Variants in SNX6 observed in about 807,000 individuals in gnomAD.
SNX6 encodes sorting nexin 6, also known as sorting nexin-6.
A neutral mutation model predicts 63.0 loss-of-function variants in SNX6; 34 were observed. The observed-to-expected ratio is 0.54, with a 90% CI of 0.41 to 0.72. SNX6 has a LOEUF of 0.72. Ranked by LOEUF, SNX6 falls within the 30% of genes least tolerant of loss-of-function variation. SNX6 has a pLI of 0.00. For synonymous variants in SNX6, 170 were observed against 164.2 expected, an observed-to-expected ratio of 1.04 and a Z score of -0.27; for missense variants, 398 against 471.4, an observed-to-expected ratio of 0.84 and a Z score of 1.44.
At chr14:34,614,912 G>C (rs913793814) in intron 2 of SNX6, among the ~76,000 whole-genome samples, 2 of 152,028 alleles carry the variant, frequency 1.3e-5, no homozygotes, top group Admixed American at 6.6e-5. Context: ...TTTTCTTCCA[G>C]ATTTCCTATC....
intron 13 of SNX6, 40 bp from the exon 14 acceptor site, chr14:34,563,215 A>C: frequency 6.4e-7 from 1 of 1,570,596 alleles, no homozygotes; most frequent in Non-Finnish European, 8.7e-7. Context: ...ATTTTATTTC[A>C]AACAATTCAG....
chr14:34,603,625 G>C (rs575194423), intron 5 of SNX6, among the ~76,000 whole-genome samples, 154 bp from the exon 6 acceptor site: 2 of 152,240 alleles, frequency 1.3e-5, no homozygotes, highest in East Asian at 3.9e-4. Context: ...TAGTTGAACT[G>C]TTAATGAAAT....
chr14:34,589,301 A>C (rs549432961), intron 8 of SNX6, among the ~76,000 whole-genome samples: 109 of 151,924 alleles, frequency 7.2e-4, no homozygotes, highest in African/African-American at 2.6e-3. Context: ...CTAAAAATAC[A>C]AAAATTAGCC....
intron 2 of SNX6, among the ~76,000 whole-genome samples, chr14:34,617,466 C>A (rs978289420): frequency 1.3e-5 from 2 of 151,822 alleles, no homozygotes; most frequent in African/African-American, 4.8e-5. Context: ...ATAGTGAGAT[C>A]GTGTCTCCAC....
intron 10 of SNX6, among the ~76,000 whole-genome samples, chr14:34,578,010 C>T (rs1257046403): frequency 6.6e-6 from 1 of 152,050 alleles, no homozygotes; most frequent in Non-Finnish European, 1.5e-5. Context: ...TCGAGACCAG[C>T]CTGGCCAACA....
At chr14:34,602,513 C>T (rs891455756) in intron 6 of SNX6, among the ~76,000 whole-genome samples, 1 of 147,798 alleles carries the variant, frequency 6.8e-6, no homozygotes, top group Non-Finnish European at 1.5e-5. Flanking sequence ...ATCACTTGAA[C>T]TTGGGAGGAG....
intron 10 of SNX6, among the ~76,000 whole-genome samples, chr14:34,579,988 T>TA (rs1413644037): frequency 1.3e-5 from 2 of 152,118 alleles, no homozygotes; most frequent in African/African-American, 4.8e-5. Flanking sequence ...ACTTTGAGAC[T>TA]AGCCTAGCCA....
intron 6 of SNX6, among the ~76,000 whole-genome samples, chr14:34,600,657 T>G (rs1882774852): frequency 6.6e-6 from 1 of 152,150 alleles, no homozygotes; most frequent in Non-Finnish European, 1.5e-5. Context: ...GAATTAATCT[T>G]GTCATCCAAA....
chr14:34,597,711 G>T, intron 6 of SNX6, 66 bp from the exon 7 acceptor site: 1 of 840,510 alleles, frequency 1.2e-6, no homozygotes, highest in South Asian at 1.5e-5. Context: ...TTTATTCTTT[G>T]ATATTTAAAT....
At position 34,593,932 on chromosome 14, in the gene SNX6, T is replaced by A. The variant is rs187832537; in HGVS notation, c.613-782A>T. Among the ~76,000 whole-genome samples the A allele has an allele frequency of 2.5e-4, 38 of 151,972 alleles. 1 individual carries two copies. Among genetic ancestry groups the A allele is most frequent in the Middle Eastern group, 3.4e-3 (1 of 294 alleles). On this transcript the variant is annotated intron_variant, in intron 7 of 13. Transcript: ENST00000362031. ...GGTTTCGCCATGTTGGCCAGGCTGG[T>A]CTCAAGTTTCTGACCTCAAGTGATC...
intron 11 of SNX6, chr14:34,568,608 C>T (rs1242578248): frequency 1.6e-6 from 1 of 644,258 alleles, no homozygotes; most frequent in Non-Finnish European, 2.8e-6. Context: ...AAGTGGATTA[C>T]AAGCGTGAGC....
chr14:34,616,657 T>C (rs1269081680), intron 2 of SNX6, among the ~76,000 whole-genome samples: 1 of 152,204 alleles, frequency 6.6e-6, no homozygotes, highest in Non-Finnish European at 1.5e-5. Context: ...TGAGATTTAG[T>C]GTTCATTACA....
chr14:34,572,367 G>A (rs934457614), intron 11 of SNX6, among the ~76,000 whole-genome samples: 2 of 152,078 alleles, frequency 1.3e-5, no homozygotes, highest in African/African-American at 4.8e-5. Flanking sequence ...GCAACATAGT[G>A]AGACACTTGT....
intron 2 of SNX6, among the ~76,000 whole-genome samples, chr14:34,629,212 C>T (rs75390836): frequency 0.041 from 6,239 of 151,732 alleles, 192 homozygotes; most frequent in Non-Finnish European, 0.067. Flanking sequence ...ACAATGTATT[C>T]GTGTATTAAA....
rs534715988 is a variant in SNX6, at chr14:34,573,403, C to T, written c.921+2353G>A. ...CAGCTTGGCCAACATGGTGAAACCC[C>T]GTATCTACTAAAAATACAAAAATTA... is the stretch of plus-strand genomic sequence containing the variant. On this transcript the variant is annotated intron_variant, in intron 11 of 13. Coordinates refer to ENST00000362031, the MANE Select transcript of SNX6 (RefSeq NM_152233.4). 7.9e-5 allele frequency among the ~76,000 whole-genome samples: 12 copies of T among 151,974 alleles called. No homozygotes were observed. In the East Asian group the frequency reaches 2.2e-3, roughly 27 times the overall value.
At position 34,572,285 on chromosome 14, in the gene SNX6, A is replaced by T. The variant is rs140802808; in HGVS notation, c.921+3471T>A. 6.5e-3 allele frequency among the ~76,000 whole-genome samples: 997 copies of T among 152,272 alleles called. 11 individuals carry two copies. Among genetic ancestry groups the T allele is most frequent in the African/African-American group, 0.023 (956 of 41,568 alleles). On this transcript the variant is annotated intron_variant, in intron 11 of 13. Transcript: ENST00000362031. ...TATTAACGACCACATTTGGCTGGGAACAGTGGCTCACAACTATAATCCCAA... is the reference window on the plus strand; with the variant it reads ...TATTAACGACCACATTTGGCTGGGATCAGTGGCTCACAACTATAATCCCAA...
chr14:34,585,674 C>T (rs1246520282), intron 9 of SNX6, among the ~76,000 whole-genome samples: 2 of 152,100 alleles, frequency 1.3e-5, no homozygotes, highest in African/African-American at 4.8e-5. Flanking sequence ...TGGCTCACTG[C>T]AACCTCCGCC....
At chr14:34,572,695 T>C (rs917111233) in intron 11 of SNX6, among the ~76,000 whole-genome samples, 10 of 152,210 alleles carry the variant, frequency 6.6e-5, no homozygotes, top group African/African-American at 1.9e-4. Flanking sequence ...TTTTTGTTTT[T>C]TTTGAGATGG....
At chr14:34,620,072 T>C (rs374274355) in intron 2 of SNX6, among the ~76,000 whole-genome samples, 1 of 152,118 alleles carries the variant, frequency 6.6e-6, no homozygotes, top group Admixed American at 6.6e-5. Context: ...AAAGTCACCA[T>C]TGTTTGTACT....
Sources: allele counts gnomAD v4.1 joint callset (sites outside exome capture counted in the v4.1 genomes callset), GRCh38; gene constraint gnomAD v4.1.1; transcripts MANE v1.5; gene names NCBI Gene and HGNC (gene_info 2026-07-23, HGNC 2026-07-21).